Variants in MTUS2 observed in about 807,000 individuals in gnomAD.
MTUS2 encodes microtubule associated scaffold protein 2.
Under a neutral mutation model 114.1 loss-of-function variants are expected in MTUS2, and 40 were observed. That is an observed-to-expected ratio of 0.35 (90% CI 0.27 to 0.46). MTUS2 has a LOEUF of 0.46. MTUS2 is among the 20% of genes least tolerant of loss of function. MTUS2 has a pLI of 1.00. For synonymous variants in MTUS2, 688 were observed against 672.0 expected (o/e 1.02, Z -0.37); for missense variants, 1,679 against 1,705.4 (o/e 0.98, Z 0.27).
intron 2 of MTUS2, among the ~76,000 whole-genome samples, chr13:28,994,478 C>A (rs1378174961): frequency 6.6e-6 from 1 of 152,206 alleles, no homozygotes; most frequent in African/African-American, 2.4e-5. Context: ...AATCGCCACA[C>A]CGACTTCCAC....
chr13:29,160,152 G>T (rs1218231672), intron 5 of MTUS2, among the ~76,000 whole-genome samples: 1 of 152,172 alleles, frequency 6.6e-6, no homozygotes, highest in Non-Finnish European at 1.5e-5. Context: ...ACCACAGACT[G>T]CTACTTAGCG....
intron 7 of MTUS2, among the ~76,000 whole-genome samples, chr13:29,340,794 A>G (rs1450093578): frequency 6.6e-6 from 1 of 151,932 alleles, no homozygotes; most frequent in Non-Finnish European, 1.5e-5. Context: ...TTCATCCCTC[A>G]CTCACTTCCC....
At chr13:29,405,915 AT>A (rs1328768860) in intron 8 of MTUS2, among the ~76,000 whole-genome samples, 1 of 151,488 alleles carries the variant, frequency 6.6e-6, no homozygotes, top group African/African-American at 2.4e-5. Context: ...TAATTTTTGT[AT>A]TTTTAGTAGA....
chr13:29,341,742 C>G (rs1723489883), intron 7 of MTUS2, among the ~76,000 whole-genome samples: 1 of 152,188 alleles, frequency 6.6e-6, no homozygotes, highest in African/African-American at 2.4e-5. Context: ...AAGGGTTTTT[C>G]TGATGTTATC....
chr13:29,212,768 G>A (rs1895500584), intron 5 of MTUS2, among the ~76,000 whole-genome samples: 1 of 152,284 alleles, frequency 6.6e-6, no homozygotes, highest in African/African-American at 2.4e-5. Context: ...CCCACAGAGA[G>A]AGGTTGCTCC....
At chr13:29,055,478 C>T (rs1276438459) in intron 4 of MTUS2, among the ~76,000 whole-genome samples, 2 of 152,056 alleles carry the variant, frequency 1.3e-5, no homozygotes, top group Non-Finnish European at 2.9e-5. Context: ...AGGTGATAAA[C>T]ACAGTAGCCT....
intron 2 of MTUS2, among the ~76,000 whole-genome samples, chr13:28,947,530 G>T (rs71433294): frequency 0.038 from 5,785 of 152,134 alleles, 133 homozygotes; most frequent in Admixed American, 0.044. Flanking sequence ...AGCCACATGA[G>T]ATCTTTCGGC....
chr13:29,386,549 G>GT (rs1345186320), intron 8 of MTUS2, among the ~76,000 whole-genome samples: 2 of 152,242 alleles, frequency 1.3e-5, no homozygotes, highest in Admixed American at 6.5e-5. Flanking sequence ...GACTGGGCAG[G>GT]TGGAAGACAT....
In MTUS2 at chr13:29,389,570, CAT is replaced by C. The variant is rs147478329; in HGVS notation, c.3117+30100_3117+30101del. Among the ~76,000 whole-genome samples the C allele has an allele frequency of 4.8e-4, 56 of 116,462 alleles. 8 individuals are homozygous for C. Among genetic ancestry groups the C allele is most frequent in the African/African-American group, 2.0e-3 (50 of 24,902 alleles). 76.4% of individuals were successfully genotyped at this position (116,462 alleles called of 152,430 possible). On this transcript the variant is annotated intron_variant, in intron 8 of 15. Coordinates refer to ENST00000612955, the MANE Select transcript of MTUS2 (RefSeq NM_001033602.4). The stretch of plus-strand genomic sequence containing the variant: ...ATGTATACACGTGTGTATATGTGTA[CAT>C]ATGTGTGTATACGTATACATATGTG...
intron 2 of MTUS2, among the ~76,000 whole-genome samples, chr13:28,917,165 A>T (rs891937951): frequency 8.6e-5 from 13 of 151,924 alleles, no homozygotes; most frequent in African/African-American, 3.1e-4. Context: ...TTGGTTTGCT[A>T]GTATTTTGTT....
chr13:29,242,243 C>G (rs376987980), intron 5 of MTUS2, among the ~76,000 whole-genome samples: 56 of 152,266 alleles, frequency 3.7e-4, no homozygotes, highest in African/African-American at 1.3e-3. Flanking sequence ...TATGGTTAAT[C>G]CCTATTTCTA....
At chr13:29,011,815 G>A (rs2138423915) in intron 2 of MTUS2, among the ~76,000 whole-genome samples, 1 of 152,296 alleles carries the variant, frequency 6.6e-6, no homozygotes, top group East Asian at 1.9e-4. Flanking sequence ...GCACTCACCT[G>A]TGCAGTTTAT....
intron 5 of MTUS2, among the ~76,000 whole-genome samples, chr13:29,142,814 TG>T (rs1420878164): frequency 6.6e-6 from 1 of 152,102 alleles, no homozygotes; most frequent in African/African-American, 2.4e-5. Flanking sequence ...TTCTTGTTTT[TG>T]AAAAAGGGTA....
At chr13:29,464,177 G>A (rs1027208306) in intron 9 of MTUS2, among the ~76,000 whole-genome samples, 1 of 152,226 alleles carries the variant, frequency 6.6e-6, no homozygotes, top group Non-Finnish European at 1.5e-5. Flanking sequence ...GGGAACAGGT[G>A]TGGAGAGGAC....
chr13:29,330,058 C>A (rs1900704552), intron 7 of MTUS2, among the ~76,000 whole-genome samples: 1 of 152,152 alleles, frequency 6.6e-6, no homozygotes, highest in Non-Finnish European at 1.5e-5. Flanking sequence ...ATTTACACTC[C>A]CACCAACAGT....
chr13:29,389,647 A>G (rs1364220000), intron 8 of MTUS2, among the ~76,000 whole-genome samples: 3 of 144,250 alleles, frequency 2.1e-5, no homozygotes, highest in Non-Finnish European at 4.5e-5. Context: ...ATGTGTATGT[A>G]TATACGTATA....
chr13:28,977,641 C>T (rs528318912), intron 2 of MTUS2, among the ~76,000 whole-genome samples: 8 of 152,148 alleles, frequency 5.3e-5, no homozygotes, highest in South Asian at 2.1e-4. Flanking sequence ...AATGTTACTT[C>T]GCTGTATTAT....
chr13:28,930,609 T>C (rs73161867), intron 2 of MTUS2, among the ~76,000 whole-genome samples: 12,772 of 152,254 alleles, frequency 0.084, 601 homozygotes, highest in South Asian at 0.13. Flanking sequence ...ATCTCACATA[T>C]CTAAGATTTG....
At chr13:29,000,825 C>A (rs1235443883) in intron 2 of MTUS2, among the ~76,000 whole-genome samples, 1 of 152,186 alleles carries the variant, frequency 6.6e-6, no homozygotes, top group Non-Finnish European at 1.5e-5. Flanking sequence ...CCGTCTGCTG[C>A]CATTGTCTTC....
Sources: allele counts gnomAD v4.1 joint callset (sites outside exome capture counted in the v4.1 genomes callset), GRCh38; gene constraint gnomAD v4.1.1; transcripts MANE v1.5; gene names NCBI Gene and HGNC (gene_info 2026-07-23, HGNC 2026-07-21).